Variants in CENPT observed in about 807,000 individuals in gnomAD.
The protein encoded by CENPT is centromere protein T.
Under a neutral mutation model 59.7 loss-of-function variants are expected in CENPT, and 42 were observed. The observed-to-expected ratio is 0.70, with a 90% CI of 0.55 to 0.91. CENPT has a LOEUF of 0.91. CENPT is among the 40% of genes least tolerant of loss of function. The pLI, the probability that CENPT is intolerant of heterozygous loss-of-function variation, is 0.00. For synonymous variants in CENPT, 295 were observed against 289.6 expected (o/e 1.02, Z -0.19); for missense variants, 716 against 713.4 (o/e 1.00, Z -0.04).
intron 1 of CENPT, among the ~76,000 whole-genome samples, chr16:67,837,770 A>G (rs2057741725): frequency 6.6e-6 from 1 of 152,230 alleles, no homozygotes; most frequent in Non-Finnish European, 1.5e-5. Flanking sequence ...CTGTTTGTTC[A>G]CATAATTAAA....
intron 4 of CENPT, 31 bp from the exon 5 acceptor site, chr16:67,832,576 T>C: frequency 6.3e-7 from 1 of 1,581,636 alleles, no homozygotes; most frequent in Non-Finnish European, 8.7e-7. Flanking sequence ...ATGCCGAGAA[T>C]TACGGTGAGG....
chr16:67,828,596 A>T lies in CENPT; in HGVS notation c.1458-18T>A, dbSNP rs2057635569. 4.3e-6 allele frequency: 7 copies of T among 1,614,034 alleles called. No homozygotes were observed. The highest frequency in any genetic ancestry group is 5.9e-6 in the Non-Finnish European group (7 of 1,179,894). On this transcript the variant is annotated intron_variant, in intron 14 of 15. Coordinates refer to ENST00000562787, the MANE Select transcript of CENPT (RefSeq NM_025082.4). ...TATCTAGGCTGTCAAGAAGGTGGGG[A>T]TAGAGCAGGCTGAACAGTCTGATCA...
In CENPT at chr16:67,829,965, C is replaced by A. The variant is rs199517696; in HGVS notation, c.986G>T (p.Gly329Val). ...CATCTTTTTCTCTGCCTCTTCAACTCCATCGTGTAAGGGCTCTACTTCATC... is the reference window on the plus strand; with the variant it reads ...CATCTTTTTCTCTGCCTCTTCAACTACATCGTGTAAGGGCTCTACTTCATC... ...GEDEVEPLHDGVEEAEKKMEE... is the reference protein window; with the variant it reads ...GEDEVEPLHDVVEEAEKKMEE... The change falls in exon 12 of 16, where the codon GGA (glycine) becomes GTA (valine). Residue 329 changes from glycine to valine, a missense_variant. Coordinates refer to ENST00000562787, the MANE Select transcript of CENPT (RefSeq NM_025082.4). The A allele has an allele frequency of 2.8e-4, 453 of 1,614,132 alleles. 2 individuals carry two copies. Among genetic ancestry groups the A allele is most frequent in the Non-Finnish European group, 3.2e-4 (380 of 1,180,064 alleles).
chr16:67,828,822 C>T lies in CENPT; in HGVS notation c.1302G>A (p.Glu434=). ...GAAVLSSEPA[E]PLLVRHPPRP... is the part of the protein sequence containing the mutation. ...TAGGGGGATGCCTGACCAACAGAGG[C>T]TCTGCAGGCTCTGAAGATAAGCTGA... The change falls in exon 14 of 16, where the codon GAG becomes GAA. Residue 434 remains glutamate (E), a synonymous_variant. Transcript: ENST00000562787. 1 of 1,584,626 alleles carries T rather than the reference C, an allele frequency of 6.3e-7. No homozygotes were observed. Among genetic ancestry groups the T allele is most frequent in the Non-Finnish European group, 8.5e-7 (1 of 1,172,412 alleles).
chr16:67,831,691 A>T, intron 8 of CENPT, 63 bp downstream of exon 8: 2 of 1,603,618 alleles, frequency 1.2e-6, no homozygotes, highest in Admixed American at 3.4e-5. Flanking sequence ...CTCTCTCAGG[A>T]CTCCTCAGCC....
At chr16:67,831,982 C>G (rs969948769) in intron 7 of CENPT, 30 bp downstream of exon 7, 9 of 1,591,110 alleles carry the variant, frequency 5.7e-6, no homozygotes, top group Non-Finnish European at 7.7e-6. Context: ...CTGCCCATAG[C>G]ACAATCCAAG....
intron 1 of CENPT, among the ~76,000 whole-genome samples, chr16:67,840,767 G>T (rs987032405): frequency 1.3e-5 from 2 of 151,856 alleles, no homozygotes; most frequent in Non-Finnish European, 2.9e-5. Flanking sequence ...GGAGAAGGAA[G>T]AACTCGGCAA....
At chr16:67,831,000 A>G (rs2057681830) in intron 10 of CENPT, 2 of 640,328 alleles carry the variant, frequency 3.1e-6, no homozygotes, top group Non-Finnish European at 5.4e-6. Flanking sequence ...CCAGCCCTAT[A>G]GTCTAAGGAT....
At chr16:67,844,184 G>T (rs1314129349) in intron 1 of CENPT, 1 of 166,634 alleles carries the variant, frequency 6.0e-6, no homozygotes, top group Non-Finnish European at 1.5e-5. Context: ...TAAACAAAAA[G>T]TAAGGTTTTT....
Position 67,842,987 on chromosome 16 carries a change from C to T in CENPT, c.-492+4414G>A, listed in dbSNP as rs770610641. On this transcript the variant is annotated intron_variant, in intron 1 of 15. Transcript: ENST00000562787. The surrounding 1 kb of genome is among the most constrained non-coding windows in gnomAD (Gnocchi z 4.9). The stretch of plus-strand genomic sequence containing the variant: ...TGCCTCCACTGCCCAGACTGCCCAG[C>T]TGCAGCCGAACCTGGTATCTGCTTC... 6.8e-6 allele frequency: 11 copies of T among 1,612,384 alleles called. No individual in the cohort carries two copies. In the South Asian group the frequency reaches 1.1e-4, roughly 16 times the overall value.
intron 1 of CENPT, among the ~76,000 whole-genome samples, chr16:67,836,734 T>A (rs374731757): frequency 7.2e-5 from 11 of 152,116 alleles, no homozygotes; most frequent in African/African-American, 2.2e-4. Context: ...CCACCACGCA[T>A]GGCTGATTTT....
rs181841190 is a variant in CENPT, at chr16:67,830,029, G to A, written c.922C>T (p.Leu308=). The change falls in exon 12 of 16, where the codon CTG becomes TTG. Residue 308 remains leucine (L), a synonymous_variant. Transcript: ENST00000562787. ...GEAEEVNAFA[L]GFLSTSSGVS... ...CCACTGCTGGTGCTCAGGAAGCCCA[G>A]AGCAAAGGCATTGACCTCCTCTGCC... The A allele has an allele frequency of 1.9e-6, 3 of 1,614,226 alleles. No individual in the cohort carries two copies. Among genetic ancestry groups the A allele is most frequent in the Non-Finnish European group, 2.5e-6 (3 of 1,180,046 alleles).
chr16:67,845,968 A>C (rs540355376), intron 1 of CENPT, among the ~76,000 whole-genome samples: 8 of 152,346 alleles, frequency 5.3e-5, no homozygotes, highest in East Asian at 1.9e-4. Context: ...GCCAGGAAGG[A>C]AGGCTAGGAG....
rs766827504 is a variant in CENPT at position 67,832,115 on chromosome 16, A to C, written c.290-7T>G. On this transcript the variant is annotated splice_polypyrimidine_tract_variant and splice_region_variant and intron_variant, in intron 6 of 15. Coordinates refer to ENST00000562787, the MANE Select transcript of CENPT (RefSeq NM_025082.4). The stretch of plus-strand genomic sequence containing the variant: ...AGGATGGAAGATTCTGGGGCTGCAG[A>C]AACACCAAGGAGAGGGTGGGGCTGA... The C allele has an allele frequency of 6.2e-7, 1 of 1,611,220 alleles. No homozygotes were observed. The highest frequency in any genetic ancestry group is 1.1e-5 in the South Asian group (1 of 90,882).
rs66882634 is a variant in CENPT, at chr16:67,841,010, C to CATATATATATAT, written c.-491-5364_-491-5353dup. 3.3e-3 allele frequency among the ~76,000 whole-genome samples: 363 copies of CATATATATATAT among 109,334 alleles called. 3 individuals carry two copies. The highest frequency in any genetic ancestry group is 8.1e-3 in the African/African-American group (230 of 28,324). 71.7% of individuals were successfully genotyped at this position (109,334 alleles called of 152,430 possible). A position where few individuals can be genotyped will look rare whatever the true frequency, so the allele number is the denominator to read the frequency against. On this transcript the variant is annotated intron_variant, in intron 1 of 15. Coordinates refer to ENST00000562787, the MANE Select transcript of CENPT (RefSeq NM_025082.4). ...CCCCGTCTCTACTAAATACAAAATA[C>CATATATATATAT]ATATATATATATATATATATATATA... is the stretch of plus-strand genomic sequence containing the variant.
chr16:67,846,586 TCCCACGGAGGCGGGGCCAACC>T (rs1342498635), intron 1 of CENPT: 1 of 152,226 alleles, frequency 6.6e-6, no homozygotes, highest in Non-Finnish European at 1.5e-5. Context: ...CGGGCTGGGC[TCCCACGGAGGCGGGGCCAACC>T]CCCACCCCAG....
rs1328026846 is a variant in CENPT, at chr16:67,829,411, G to A, written c.1280+12C>T. ...CAAGAGGCCCATGAGGAATGGGGTT[G>A]TGGGATCTTACACTGCAGCACCAGG... is the stretch of plus-strand genomic sequence containing the variant. On this transcript the variant is annotated intron_variant, in intron 13 of 15. Coordinates refer to ENST00000562787, the MANE Select transcript of CENPT (RefSeq NM_025082.4). 1 of 1,584,794 alleles carries A rather than the reference G, an allele frequency of 6.3e-7. No homozygotes were observed. The highest frequency in any genetic ancestry group is 8.6e-7 in the Non-Finnish European group (1 of 1,169,456).
rs1382735623 is a variant in CENPT at position 67,830,099 on chromosome 16, G to A, written c.863-11C>T. 1.1e-5 allele frequency: 17 copies of A among 1,613,256 alleles called. No individual in the cohort carries two copies. Among genetic ancestry groups the A allele is most frequent in the Non-Finnish European group, 1.4e-5 (17 of 1,179,392 alleles). On this transcript the variant is annotated splice_polypyrimidine_tract_variant and intron_variant, in intron 11 of 15. Coordinates refer to ENST00000562787, the MANE Select transcript of CENPT (RefSeq NM_025082.4). ...CTGGTTTCCCAGGGCCTGAGTGAAG[G>A]GGAGAGAATACAGGCCGGAGACGCA...
chr16:67,828,661 A>T lies in CENPT; in HGVS notation c.1457+6T>A. The T allele has an allele frequency of 6.2e-7, 1 of 1,614,064 alleles. No homozygotes were observed. Among genetic ancestry groups the T allele is most frequent in the Non-Finnish European group, 8.5e-7 (1 of 1,180,000 alleles). ...CCTCTCCCTACCCCATGTGCCCAGG[A>T]CTCACCACTTCTCCACCATCTCAAG... On this transcript the variant is annotated splice_donor_region_variant and intron_variant, in intron 14 of 15. Transcript: ENST00000562787.
Sources: gnomAD v4.1 joint callset for allele counts (sites outside exome capture counted in the v4.1 genomes callset) on GRCh38, gnomAD v4.1.1 for gene constraint, Gnocchi (gnomAD v3.1) non-coding constraint, MANE v1.5 for transcripts, NCBI Gene and HGNC (gene_info 2026-07-23, HGNC 2026-07-21) for gene names.